CNTN5: variants seen among roughly 807,000 people sequenced by gnomAD.
CNTN5 encodes contactin-5.
Under a neutral mutation model 129.1 loss-of-function variants are expected in CNTN5, and 77 were observed. That is an observed-to-expected ratio of 0.60 (90% CI 0.50 to 0.72). CNTN5 has a LOEUF of 0.72. CNTN5 is among the 30% of genes least tolerant of loss of function. The probability of loss-of-function intolerance (pLI) is 0.00; values close to 1 mark genes in which losing one functional copy is unlikely to be tolerated. For synonymous variants in CNTN5, 509 were observed against 465.6 expected (o/e 1.09, Z -1.20); for missense variants, 1,478 against 1,328.8 (o/e 1.11, Z -1.75).
intron 1 of CNTN5, among the ~76,000 whole-genome samples, chr11:99,162,085 G>C (rs1309524563): frequency 6.6e-6 from 1 of 152,010 alleles, no homozygotes; most frequent in East Asian, 1.9e-4. Flanking sequence ...CTGGTTAATA[G>C]AACCTCCTTT....
At chr11:99,361,897 C>T (rs1025278424) in intron 2 of CNTN5, among the ~76,000 whole-genome samples, 1 of 152,048 alleles carries the variant, frequency 6.6e-6, no homozygotes, top group Non-Finnish European at 1.5e-5. Flanking sequence ...CAATGAAGGA[C>T]ATTTGTCTTG....
chr11:99,181,500 C>T (rs1283174120), intron 1 of CNTN5, among the ~76,000 whole-genome samples: 3 of 152,108 alleles, frequency 2.0e-5, no homozygotes, highest in East Asian at 1.9e-4. Context: ...TTCCTGGGGG[C>T]CTCCCGCGGC....
At chr11:99,558,235 C>A (rs1168890139) in intron 3 of CNTN5, 7 of 390,378 alleles carry the variant, frequency 1.8e-5, no homozygotes, top group Non-Finnish European at 3.1e-5. Context: ...CCCTGCTGAT[C>A]TCAGTTGTTT....
chr11:99,970,693 T>C (rs1951226288), intron 8 of CNTN5, among the ~76,000 whole-genome samples: 1 of 152,214 alleles, frequency 6.6e-6, no homozygotes, highest in Non-Finnish European at 1.5e-5. Flanking sequence ...GCGGGGGTAT[T>C]GCAGTCAGAA....
chr11:99,857,849 G>A (rs1473911243), intron 6 of CNTN5, among the ~76,000 whole-genome samples: 1 of 151,928 alleles, frequency 6.6e-6, no homozygotes, highest in Non-Finnish European at 1.5e-5. Context: ...GATCTCCGTG[G>A]CAATAAAAGT....
intron 13 of CNTN5, among the ~76,000 whole-genome samples, chr11:100,121,736 G>C (rs1321650715): frequency 5.9e-5 from 9 of 152,066 alleles, no homozygotes; most frequent in Non-Finnish European, 1.3e-4. Flanking sequence ...GAATAAAATA[G>C]AGAGTCTCTT....
intron 9 of CNTN5, among the ~76,000 whole-genome samples, chr11:100,032,206 T>A (rs1024816287): frequency 6.6e-6 from 1 of 152,192 alleles, no homozygotes; most frequent in East Asian, 1.9e-4. Flanking sequence ...TCTGAGAGTA[T>A]CACTATGACA....
At chr11:99,285,878 A>G (rs1326369752) in intron 1 of CNTN5, among the ~76,000 whole-genome samples, 2 of 151,942 alleles carry the variant, frequency 1.3e-5, no homozygotes. Flanking sequence ...TTTCTACTAA[A>G]AATACAAAAA....
At chr11:99,052,303 C>A (rs568074209) in intron 1 of CNTN5, among the ~76,000 whole-genome samples, 6 of 151,972 alleles carry the variant, frequency 3.9e-5, no homozygotes, top group African/African-American at 1.4e-4. Context: ...TACAGCTATG[C>A]TCCATGTAAC....
intron 1 of CNTN5, among the ~76,000 whole-genome samples, chr11:99,212,044 G>C (rs1293275285): frequency 1.3e-5 from 2 of 152,162 alleles, no homozygotes; most frequent in African/African-American, 4.8e-5. Context: ...ATTACTGTAT[G>C]ATAAGACAAT....
At chr11:100,326,246 T>G (rs1308458903) in intron 21 of CNTN5, among the ~76,000 whole-genome samples, 3 of 152,104 alleles carry the variant, frequency 2.0e-5, no homozygotes, top group Non-Finnish European at 4.4e-5. Context: ...AAAGACAGAA[T>G]AGATTTGGCT....
chr11:99,407,806 A>G (rs1942149915), intron 2 of CNTN5, among the ~76,000 whole-genome samples: 1 of 152,130 alleles, frequency 6.6e-6, no homozygotes, highest in African/African-American at 2.4e-5. Context: ...GGCAGGCATC[A>G]GGGGAGTTTG....
At chr11:99,067,724 A>G (rs1865161416) in intron 1 of CNTN5, among the ~76,000 whole-genome samples, 1 of 152,204 alleles carries the variant, frequency 6.6e-6, no homozygotes, top group Non-Finnish European at 1.5e-5. Context: ...AGCAGAATAT[A>G]TTAGATAATT....
At chr11:99,457,908 T>C (rs900241430) in intron 2 of CNTN5, among the ~76,000 whole-genome samples, 4 of 151,864 alleles carry the variant, frequency 2.6e-5, no homozygotes, top group Admixed American at 6.6e-5. Flanking sequence ...TAGATTAATG[T>C]AACGTATTTC....
At chr11:99,895,930 C>T (rs1391174222) in intron 6 of CNTN5, among the ~76,000 whole-genome samples, 1 of 152,156 alleles carries the variant, frequency 6.6e-6, no homozygotes, top group African/African-American at 2.4e-5. Context: ...CAGCTAGACT[C>T]CATACTGCGT....
At chr11:100,223,162 T>G (rs1949300869) in intron 15 of CNTN5, among the ~76,000 whole-genome samples, 1 of 152,134 alleles carries the variant, frequency 6.6e-6, no homozygotes, top group African/African-American at 2.4e-5. Flanking sequence ...ATCACATTCC[T>G]TGAAAGAATT....
intron 3 of CNTN5, among the ~76,000 whole-genome samples, chr11:99,648,267 A>T (rs1952036254): frequency 6.6e-6 from 1 of 151,940 alleles, no homozygotes; most frequent in African/African-American, 2.4e-5. Context: ...CATTCCTGGG[A>T]TAAATAAATC....
chr11:100,183,881 C>T lies in CNTN5; in HGVS notation c.1581-7245C>T, dbSNP rs556039231. ...ACTATGTTCTACAGGGTCTCCCCCT[C>T]GCCTACCTCTCCAGTCTCATCTTTT... is the stretch of plus-strand genomic sequence containing the variant. On this transcript the variant is annotated intron_variant, in intron 13 of 24. Coordinates refer to ENST00000524871, the MANE Select transcript of CNTN5 (RefSeq NM_014361.4). Among the ~76,000 whole-genome samples the T allele has an allele frequency of 5.3e-5, 8 of 152,226 alleles. No homozygotes were observed. In the South Asian group the frequency reaches 8.3e-4, roughly 16 times the overall value.
chr11:99,974,728 T>A (rs2137322759), intron 8 of CNTN5, among the ~76,000 whole-genome samples: 1 of 152,292 alleles, frequency 6.6e-6, no homozygotes, highest in Middle Eastern at 3.4e-3. Context: ...GTGTTAATTA[T>A]CTGTCAAATT....
Sources: gnomAD v4.1 joint callset for allele counts (sites outside exome capture counted in the v4.1 genomes callset) on GRCh38, gnomAD v4.1.1 for gene constraint, MANE v1.5 for transcripts, NCBI Gene and HGNC (gene_info 2026-07-23, HGNC 2026-07-21) for gene names.